The following ROBO2 variants were observed in gnomAD, a reference collection of about 807,000 sequenced individuals.
The protein encoded by ROBO2 is roundabout guidance receptor 2, also known as roundabout homolog 2.
In ROBO2, 53 loss-of-function variants were observed where a neutral mutation model predicts 160.8. The ratio of observed to expected loss-of-function variants is 0.33; its 90% CI spans 0.26 to 0.41. ROBO2 has a LOEUF of 0.41. ROBO2 is among the 10% of genes least tolerant of loss of function. The pLI is 1.00. For missense variants in ROBO2, 1,577 were observed against 1,722.4 expected (o/e 0.92, Z 1.49); for synonymous variants, 664 against 611.7 (o/e 1.09, Z -1.26).
chr3:76,171,744 T>C (rs1284788706), intron 2 of ROBO2, among the ~76,000 whole-genome samples: 53 of 152,034 alleles, frequency 3.5e-4, no homozygotes, highest in Admixed American at 3.5e-3. Context: ...GCAAAAAGAA[T>C]GAGGGTGGGG....
Position 76,815,369 on chromosome 3 carries a change from C to A in ROBO2, c.110-282645C>A, listed in dbSNP as rs2065570775. Among the ~76,000 whole-genome samples, 5 of 151,624 alleles carry A rather than the reference C, an allele frequency of 3.3e-5. No individual in the cohort carries two copies. The South Asian group carries it at 1.0e-3, about 31-fold the overall frequency. On this transcript the variant is annotated intron_variant, in intron 2 of 26. Transcript: ENST00000487694. ...GTCCAATAAGCTGAGCTATTTTAAA[C>A]CTAATTGTGCACAACTATGTAAATG... is the stretch of plus-strand genomic sequence containing the variant.
chr3:76,751,429 C>T (rs752731410), intron 2 of ROBO2, among the ~76,000 whole-genome samples: 4 of 151,974 alleles, frequency 2.6e-5, no homozygotes, highest in Admixed American at 2.0e-4. Flanking sequence ...AAAGTAACAA[C>T]AACAAAAGTC....
intron 2 of ROBO2, among the ~76,000 whole-genome samples, chr3:75,965,626 A>G (rs564413613): frequency 2.8e-5 from 4 of 144,796 alleles, no homozygotes; most frequent in Non-Finnish European, 6.1e-5. Flanking sequence ...TTTATTTTGT[A>G]TATATTTGGT....
chr3:76,757,422 C>G (rs1242589332), intron 2 of ROBO2, among the ~76,000 whole-genome samples: 2 of 151,798 alleles, frequency 1.3e-5, no homozygotes, highest in African/African-American at 4.8e-5. Flanking sequence ...TATGCCTCTT[C>G]CATGTTTGAG....
chr3:76,381,851 T>A (rs996902751), intron 2 of ROBO2, among the ~76,000 whole-genome samples: 4 of 152,192 alleles, frequency 2.6e-5, no homozygotes, highest in African/African-American at 7.2e-5. Flanking sequence ...AGTGGCCAGG[T>A]TGGATTCTCA....
chr3:76,294,245 A>G (rs1708955350), intron 2 of ROBO2, among the ~76,000 whole-genome samples: 2 of 152,144 alleles, frequency 1.3e-5, no homozygotes, highest in Admixed American at 1.3e-4. Flanking sequence ...CTGGATCTGC[A>G]GCTGTGGCTG....
intron 2 of ROBO2, among the ~76,000 whole-genome samples, chr3:76,858,080 C>G (rs867617087): frequency 9.9e-5 from 15 of 151,942 alleles, no homozygotes; most frequent in Admixed American, 1.3e-4. Flanking sequence ...CCATTATACC[C>G]TAGTACGCTC....
rs1460006661 is a variant in ROBO2, at chr3:77,290,953, G to A, written c.389-186461G>A. 1.2e-4 allele frequency among the ~76,000 whole-genome samples: 12 copies of A among 97,476 alleles called. 1 individual carries two copies. Among genetic ancestry groups the A allele is most frequent in the Non-Finnish European group, 2.9e-4 (11 of 37,346 alleles). The allele number at this position is 97,476 out of a possible 152,430, so 63.9% of individuals were successfully genotyped here. A position where few individuals can be genotyped will look rare whatever the true frequency, so the allele number is the denominator to read the frequency against. Reference sequence around the variant, plus strand: ...TTGATGTTTAAATGGGTAAGCTGAGGCTAGAGCACTAAAGACATAAAGTAA... The same window carrying A: ...TTGATGTTTAAATGGGTAAGCTGAGACTAGAGCACTAAAGACATAAAGTAA... On this transcript the variant is annotated intron_variant, in intron 2 of 25. Transcript: ENST00000461745.
At chr3:77,113,387 A>G (rs1352713642) in intron 2 of ROBO2, among the ~76,000 whole-genome samples, 1 of 152,250 alleles carries the variant, frequency 6.6e-6, no homozygotes, top group Admixed American at 6.5e-5. Context: ...AAAGGGGTCA[A>G]CTTGTGAAAT....
At chr3:76,465,436 C>A (rs767784658) in intron 2 of ROBO2, among the ~76,000 whole-genome samples, 1 of 151,976 alleles carries the variant, frequency 6.6e-6, no homozygotes, top group East Asian at 1.9e-4. Flanking sequence ...GCATTTTATA[C>A]CCACCCATCC....
At chr3:76,173,205 AATATATATGTGTGTGAGT>A in intron 2 of ROBO2, among the ~76,000 whole-genome samples, 1 of 140,640 alleles carries the variant, frequency 7.1e-6, no homozygotes, top group Non-Finnish European at 1.5e-5. Context: ...ATTTAATGGT[AATATATATGTGTGTGAGT>A]ATATATATGT....
intron 2 of ROBO2, among the ~76,000 whole-genome samples, chr3:76,869,809 A>G (rs2071834239): frequency 1.3e-5 from 2 of 152,164 alleles, no homozygotes; most frequent in African/African-American, 4.8e-5. Context: ...TTATATCTTT[A>G]GACCATACAC....
intron 2 of ROBO2, among the ~76,000 whole-genome samples, chr3:77,394,839 G>T (rs991060520): frequency 3.9e-5 from 6 of 152,154 alleles, no homozygotes; most frequent in Admixed American, 3.9e-4. Flanking sequence ...CAGCAATACT[G>T]TTGGTATCAA....
chr3:77,291,635 C>A (rs1437612865), intron 2 of ROBO2, among the ~76,000 whole-genome samples: 18 of 151,246 alleles, frequency 1.2e-4, no homozygotes, highest in Non-Finnish European at 2.1e-4. Flanking sequence ...AATGGGTAAG[C>A]TGAGGCTAGA....
In ROBO2 at chr3:76,960,220, C is replaced by T. The variant is rs540862494; in HGVS notation, c.110-137794C>T. Among the ~76,000 whole-genome samples the T allele has an allele frequency of 2.0e-5, 3 of 151,722 alleles. No individual in the cohort carries two copies. The East Asian group carries it at 5.8e-4, about 30-fold the overall frequency. On this transcript the variant is annotated intron_variant, in intron 2 of 26. Coordinates refer to the ROBO2 transcript ENST00000487694. ...CCAAATAAGATTTGTGTAGATTTAG[C>T]TATAGTTATTTTTAAACATAAACCC...
chr3:76,947,766 T>A (rs2078660765), intron 2 of ROBO2, among the ~76,000 whole-genome samples: 1 of 152,148 alleles, frequency 6.6e-6, no homozygotes. Context: ...ATGTGACTGG[T>A]TTTTTTGTTC....
chr3:77,186,903 C>T (rs900918070), intron 2 of ROBO2, among the ~76,000 whole-genome samples: 32 of 151,878 alleles, frequency 2.1e-4, no homozygotes, highest in African/African-American at 7.3e-4. Flanking sequence ...TTACATGTTA[C>T]GTAATGTAAT....
intron 2 of ROBO2, among the ~76,000 whole-genome samples, chr3:76,363,918 C>G (rs575443563): frequency 2.6e-5 from 4 of 152,148 alleles, no homozygotes; most frequent in African/African-American, 9.6e-5. Flanking sequence ...AACCAAGCCT[C>G]CACTTAAACC....
At chr3:77,426,608 C>CTGTGTG (rs9309768) in intron 2 of ROBO2, among the ~76,000 whole-genome samples, 2,017 of 140,574 alleles carry the variant, frequency 0.014, 25 homozygotes, top group Middle Eastern at 0.033. Flanking sequence ...ATGTGTGTGT[C>CTGTGTG]TGTGTGTGTG....
Sources: gnomAD v4.1 joint callset for allele counts (sites outside exome capture counted in the v4.1 genomes callset) on GRCh38, gnomAD v4.1.1 for gene constraint, MANE v1.5 for transcripts, NCBI Gene and HGNC (gene_info 2026-07-23, HGNC 2026-07-21) for gene names.